ANXA11: variants seen among roughly 807,000 people sequenced by gnomAD.
The protein encoded by ANXA11 is 56 kDa autoantigen.
ANXA11 carries 57 observed loss-of-function variants against 64.7 expected under a neutral mutation model. The observed-to-expected ratio is 0.88, with a 90% CI of 0.71 to 1.10. The LOEUF is 1.10. Ranked by LOEUF, ANXA11 falls within the 50% of genes least tolerant of loss-of-function variation. The pLI, the probability that ANXA11 is intolerant of heterozygous loss-of-function variation, is 0.00. For missense variants in ANXA11, 675 were observed against 670.7 expected, an observed-to-expected ratio of 1.01 and a Z score of -0.07; for synonymous variants, 260 against 265.2, an observed-to-expected ratio of 0.98 and a Z score of 0.19.
chr10:80,193,488 CAT>C (rs1201445783), intron 1 of ANXA11, among the ~76,000 whole-genome samples: 3 of 151,980 alleles, frequency 2.0e-5, no homozygotes, highest in Non-Finnish European at 4.4e-5. Flanking sequence ...ATAAATACAA[CAT>C]ATATATGAAT....
intron 1 of ANXA11, among the ~76,000 whole-genome samples, chr10:80,196,219 G>A (rs369262695): frequency 4.6e-5 from 7 of 152,292 alleles, no homozygotes; most frequent in African/African-American, 1.4e-4. Context: ...AGGGAACGAA[G>A]GCTGAGCTGA....
intron 1 of ANXA11, among the ~76,000 whole-genome samples, chr10:80,198,690 T>A (rs1840276748): frequency 6.6e-6 from 1 of 151,920 alleles, no homozygotes; most frequent in Non-Finnish European, 1.5e-5. Flanking sequence ...GCCAAGACAA[T>A]CTCATGGAAC....
intron 1 of ANXA11, among the ~76,000 whole-genome samples, chr10:80,182,772 C>G (rs540280317): frequency 2.0e-5 from 3 of 152,090 alleles, no homozygotes; most frequent in Non-Finnish European, 2.9e-5. Flanking sequence ...CTCTTCACTC[C>G]GGGAGAAGGC....
intron 4 of ANXA11, 121 bp from the exon 5 acceptor site, chr10:80,169,479 A>T: frequency 8.7e-7 from 1 of 1,152,870 alleles, no homozygotes; most frequent in Non-Finnish European, 1.3e-6. Flanking sequence ...AATATGAAGT[A>T]CCGTTATACC....
intron 1 of ANXA11, among the ~76,000 whole-genome samples, chr10:80,191,878 C>T (rs1846792150): frequency 6.6e-6 from 1 of 152,188 alleles, no homozygotes; most frequent in Non-Finnish European, 1.5e-5. Context: ...TCACTCCCAC[C>T]GACCCCACCT....
chr10:80,185,735 G>A (rs1284298815), intron 1 of ANXA11, among the ~76,000 whole-genome samples: 1 of 152,246 alleles, frequency 6.6e-6, no homozygotes. Context: ...GAGGGACAGA[G>A]AGGCTGTGTA....
chr10:80,161,619 A>G (rs1229455029), intron 12 of ANXA11, among the ~76,000 whole-genome samples: 1 of 152,202 alleles, frequency 6.6e-6, no homozygotes, highest in East Asian at 1.9e-4. Flanking sequence ...TTTTATTGTT[A>G]TGACTGTTTC....
intron 1 of ANXA11, among the ~76,000 whole-genome samples, chr10:80,199,389 G>A (rs924632663): frequency 3.9e-5 from 6 of 152,012 alleles, no homozygotes; most frequent in East Asian, 1.9e-4. Flanking sequence ...GAGCTACCGC[G>A]CCCAGCCAAG....
chr10:80,185,068 T>C (rs754302370), intron 1 of ANXA11, among the ~76,000 whole-genome samples: 4 of 152,200 alleles, frequency 2.6e-5, no homozygotes, highest in Admixed American at 6.5e-5. Flanking sequence ...TAATAAACAC[T>C]TATAAATCCA....
intron 14 of ANXA11, 83 bp from the exon 15 acceptor site, chr10:80,157,846 C>T: frequency 6.3e-7 from 1 of 1,588,428 alleles, no homozygotes; most frequent in South Asian, 1.1e-5. Context: ...CCCTCCCTAC[C>T]CAGGTCCTCG....
chr10:80,170,974 C>T (rs767948791), intron 3 of ANXA11, 59 bp from the exon 4 acceptor site: 3 of 1,541,462 alleles, frequency 1.9e-6, no homozygotes, highest in Non-Finnish European at 1.7e-6. Flanking sequence ...CGGGGAAAGG[C>T]AGAGATGAGA....
chr10:80,192,489 CAG>C (rs1343784125), intron 1 of ANXA11, among the ~76,000 whole-genome samples: 1 of 152,008 alleles, frequency 6.6e-6, no homozygotes, highest in Non-Finnish European at 1.5e-5. Context: ...ACCAAAGAAA[CAG>C]ACAATGATGA....
At chr10:80,171,095 C>T in intron 3 of ANXA11, 180 bp from the exon 4 acceptor site, 2 of 1,511,256 alleles carry the variant, frequency 1.3e-6, no homozygotes, top group Non-Finnish European at 1.8e-6. Context: ...ATCCCACTGG[C>T]AGAGGAGGGG....
rs150877832 is a variant in ANXA11 at position 80,173,201 on chromosome 10, C to T, written c.-8-332G>A. Among the ~76,000 whole-genome samples the T allele has an allele frequency of 2.0e-3, 312 of 152,332 alleles. 4 individuals are homozygous for T. Among genetic ancestry groups the T allele is most frequent in the African/African-American group, 7.2e-3 (299 of 41,576 alleles). On this transcript the variant is annotated intron_variant, in intron 2 of 15. Coordinates refer to ENST00000422982, the MANE Select transcript of ANXA11 (RefSeq NM_145868.2). ...TGCCTCTGCTGGCAAGGGTGCAGTG[C>T]GCCTCTGGGCCTGTTCTCCCACCTC...
intron 7 of ANXA11, 126 bp from the exon 8 acceptor site, chr10:80,166,323 G>T: frequency 1.6e-6 from 1 of 611,318 alleles, no homozygotes; most frequent in African/African-American, 1.9e-5. Flanking sequence ...ATCCCCCAGG[G>T]GCCTGAGAGA....
chr10:80,182,953 T>C (rs1003803988), intron 1 of ANXA11, among the ~76,000 whole-genome samples: 13 of 152,108 alleles, frequency 8.5e-5, no homozygotes, highest in African/African-American at 3.1e-4. Context: ...TTGGTCAGTG[T>C]GGGGAAAAAA....
intron 11 of ANXA11, 64 bp from the exon 12 acceptor site, chr10:80,162,092 C>T: frequency 1.5e-6 from 2 of 1,379,224 alleles, no homozygotes; most frequent in Non-Finnish European, 2.0e-6. Flanking sequence ...CCAGGTCACC[C>T]AGGAGAGCCT....
chr10:80,193,178 G>A (rs985368879), intron 1 of ANXA11, among the ~76,000 whole-genome samples: 17 of 152,102 alleles, frequency 1.1e-4, no homozygotes, highest in African/African-American at 2.2e-4. Context: ...GTGTGACCAC[G>A]GCACATTACT....
rs747198268 is a variant in ANXA11, at chr10:80,151,517, G to T, written c.*4336C>A. 6 of 152,136 alleles carry T rather than the reference G, an allele frequency of 3.9e-5. No individual in the cohort carries two copies. Among genetic ancestry groups the T allele is most frequent in the Non-Finnish European group, 7.3e-5 (5 of 68,028 alleles). 9.4% of individuals were successfully genotyped at this position (152,136 alleles called of 1,614,324 possible). Reference sequence around the variant, plus strand: ...TCTAGGTCTCATTCCACTCCATCTCGGCCAGGGCAGGAAAGAGCCTACAGC... The same window carrying T: ...TCTAGGTCTCATTCCACTCCATCTCTGCCAGGGCAGGAAAGAGCCTACAGC... On this transcript the variant is annotated 3_prime_UTR_variant, in exon 16 of 16. Coordinates refer to ENST00000422982, the MANE Select transcript of ANXA11 (RefSeq NM_145868.2).
Sources: gnomAD v4.1 joint callset for allele counts (sites outside exome capture counted in the v4.1 genomes callset) on GRCh38, gnomAD v4.1.1 for gene constraint, MANE v1.5 for transcripts, NCBI Gene and HGNC (gene_info 2026-07-23, HGNC 2026-07-21) for gene names.